FBLN5: variants seen among roughly 807,000 people sequenced by gnomAD.
FBLN5 encodes fibulin-5.
A neutral mutation model predicts 61.6 loss-of-function variants in FBLN5; 24 were observed. The observed-to-expected ratio is 0.39, with a 90% CI of 0.28 to 0.55. FBLN5 has a LOEUF of 0.55. Among genes scored for constraint, FBLN5 ranks in the 20% least tolerant of loss-of-function variants. The pLI is 0.65. For missense variants in FBLN5, 470 were observed against 594.1 expected (o/e 0.79, Z 2.17); for synonymous variants, 213 against 219.8 (o/e 0.97, Z 0.27).
intron 4 of FBLN5, among the ~76,000 whole-genome samples, chr14:91,934,995 G>A (rs981083302): frequency 6.6e-6 from 1 of 152,218 alleles, no homozygotes; most frequent in East Asian, 1.9e-4. Flanking sequence ...AGGAAACCAT[G>A]GGGTGGGGTG....
intron 4 of FBLN5, among the ~76,000 whole-genome samples, chr14:91,897,903 A>T (rs1223810656): frequency 1.3e-5 from 2 of 152,028 alleles, no homozygotes; most frequent in East Asian, 3.9e-4. Flanking sequence ...ACAAAAAATT[A>T]ATCGGGTGTG....
chr14:91,915,686 C>CAAAAAAAAAA (rs34675184), intron 4 of FBLN5, among the ~76,000 whole-genome samples: 2 of 43,742 alleles, frequency 4.6e-5, no homozygotes, highest in East Asian at 1.1e-3. Flanking sequence ...GACTCCATCT[C>CAAAAAAAAAA]AAAAAAAAAA....
At chr14:91,931,830 G>A (rs568447131) in intron 4 of FBLN5, among the ~76,000 whole-genome samples, 58 of 152,294 alleles carry the variant, frequency 3.8e-4, no homozygotes, top group African/African-American at 1.4e-3. Context: ...CGGTCTTAGA[G>A]GCAGCGTGCC....
chr14:91,886,693 G>C (rs1236239358), intron 7 of FBLN5, among the ~76,000 whole-genome samples: 8 of 152,158 alleles, frequency 5.3e-5, no homozygotes, highest in Admixed American at 5.2e-4. Context: ...CAGGCCTGGA[G>C]TGAGGCACTG....
In FBLN5 at chr14:91,877,609, C is replaced by G. The variant is rs754104809; in HGVS notation, c.1063G>C (p.Val355Leu). 6.2e-7 allele frequency: 1 copy of G among 1,613,962 alleles called. No homozygotes were observed. The highest frequency in any genetic ancestry group is 8.5e-7 in the Non-Finnish European group (1 of 1,179,836). ...GCGGGAACGGAGCGTCCTGACACCA[C>G]GTCCATGTCCCGGTACAAGATGGTA... is the stretch of plus-strand genomic sequence containing the variant. ...PFTILYRDMD[V>L]VSGRSVPADI... The change falls in exon 10 of 11, where the codon GTG (valine) becomes CTG (leucine). Residue 355 changes from valine to leucine, a missense_variant. By Grantham distance (32) the Val-to-Leu change is conservative. Transcript: ENST00000342058.
intron 4 of FBLN5, among the ~76,000 whole-genome samples, chr14:91,906,471 G>A (rs754857229): frequency 1.3e-5 from 2 of 152,300 alleles, no homozygotes; most frequent in Non-Finnish European, 2.9e-5. Flanking sequence ...CACATGCCCT[G>A]GGAGTCTAGA....
chr14:91,905,634 C>T (rs998998397), intron 4 of FBLN5, among the ~76,000 whole-genome samples: 1 of 148,566 alleles, frequency 6.7e-6, no homozygotes, highest in Admixed American at 6.7e-5. Context: ...GGCTGGAGTG[C>T]AGTGGTGTGA....
At chr14:91,874,430 A>G (rs1889077331) in intron 10 of FBLN5, 2 of 152,216 alleles carry the variant, frequency 1.3e-5, no homozygotes, top group South Asian at 4.1e-4. Context: ...GAGACCCCAA[A>G]GCTGGAAGAG....
intron 4 of FBLN5, among the ~76,000 whole-genome samples, chr14:91,926,117 G>A (rs901299430): frequency 6.6e-6 from 1 of 152,198 alleles, no homozygotes; most frequent in African/African-American, 2.4e-5. Context: ...GGCTGGCACT[G>A]TGCCTTTGTC....
chr14:91,874,888 T>G (rs1157984943), intron 10 of FBLN5: 2 of 152,414 alleles, frequency 1.3e-5, no homozygotes, highest in East Asian at 3.8e-4. Context: ...AGTGCAGTGG[T>G]GCAATCATAG....
chr14:91,892,787 T>C (rs375277870), intron 5 of FBLN5, among the ~76,000 whole-genome samples: 12 of 152,168 alleles, frequency 7.9e-5, no homozygotes, highest in African/African-American at 2.7e-4. Flanking sequence ...GCATCTTCAG[T>C]GGTACACAGA....
At chr14:91,874,962 T>C (rs796777160) in intron 10 of FBLN5, 9 of 152,256 alleles carry the variant, frequency 5.9e-5, no homozygotes, top group African/African-American at 2.2e-4. Flanking sequence ...AGAGTGGCTG[T>C]GGTTACAGGT....
intron 4 of FBLN5, among the ~76,000 whole-genome samples, chr14:91,928,554 T>G (rs527621334): frequency 6.7e-6 from 1 of 149,968 alleles, no homozygotes; most frequent in Non-Finnish European, 1.5e-5. Flanking sequence ...GGAGGATCGC[T>G]TGAGCCCAGG....
At chr14:91,940,960 A>C (rs1030919767) in intron 2 of FBLN5, among the ~76,000 whole-genome samples, 3 of 151,402 alleles carry the variant, frequency 2.0e-5, no homozygotes, top group Admixed American at 6.6e-5. Context: ...TTAAAAAAAA[A>C]CTCCCTGTAC....
chr14:91,882,401 G>A lies in FBLN5; in HGVS notation c.862+553C>T, dbSNP rs1447848225. Reference sequence around the variant, plus strand: ...CTTCTGCAATGACCCCTCAGTGGGTGGAGCATGGGGCTGGAACCCAGGCTA... The same window carrying A: ...CTTCTGCAATGACCCCTCAGTGGGTAGAGCATGGGGCTGGAACCCAGGCTA... On this transcript the variant is annotated intron_variant, in intron 8 of 10. Coordinates refer to ENST00000342058, the MANE Select transcript of FBLN5 (RefSeq NM_006329.4). The surrounding 1 kb of genome is among the most constrained non-coding windows in gnomAD (Gnocchi z 4.9). 6.6e-6 allele frequency among the ~76,000 whole-genome samples: 1 copy of A among 152,176 alleles called. No homozygotes were observed. The highest frequency in any genetic ancestry group is 1.5e-5 in the Non-Finnish European group (1 of 68,038).
At chr14:91,879,950 G>C (rs1369412718) in intron 9 of FBLN5, among the ~76,000 whole-genome samples, 1 of 152,168 alleles carries the variant, frequency 6.6e-6, no homozygotes, top group East Asian at 1.9e-4. Flanking sequence ...AGGAGGAACT[G>C]AGATGGTTTA....
intron 6 of FBLN5, among the ~76,000 whole-genome samples, chr14:91,887,891 T>A (rs1889799939): frequency 6.6e-6 from 1 of 152,166 alleles, no homozygotes; most frequent in South Asian, 2.1e-4. Context: ...TAATGGGAAA[T>A]CCATTATCTT....
At chr14:91,915,155 G>C (rs1205251273) in intron 4 of FBLN5, among the ~76,000 whole-genome samples, 1 of 150,128 alleles carries the variant, frequency 6.7e-6, no homozygotes, top group Admixed American at 6.6e-5. Context: ...GCAAGTTTCT[G>C]TCTAAAAAAA....
intron 4 of FBLN5, among the ~76,000 whole-genome samples, chr14:91,935,828 C>T (rs957108636): frequency 2.6e-5 from 4 of 152,332 alleles, no homozygotes; most frequent in African/African-American, 9.6e-5. Flanking sequence ...TTTGCACAGT[C>T]ATCTACGTTT....
Sources: allele counts gnomAD v4.1 joint callset (sites outside exome capture counted in the v4.1 genomes callset), GRCh38; gene constraint gnomAD v4.1.1; non-coding constraint Gnocchi (gnomAD v3.1); transcripts MANE v1.5; gene names NCBI Gene and HGNC (gene_info 2026-07-23, HGNC 2026-07-21).